The following DMD variants were observed in gnomAD, a reference collection of about 807,000 sequenced individuals.
The protein encoded by DMD is mutant dystrophin.
In DMD, 63 loss-of-function variants were observed where a neutral mutation model predicts 330.1. The ratio of observed to expected loss-of-function variants is 0.19; its 90% CI spans 0.16 to 0.24. The LOEUF is 0.24. DMD is among the 10% of genes least tolerant of loss of function. The pLI is 1.00. For synonymous variants in DMD, 1,223 were observed against 959.8 expected, an observed-to-expected ratio of 1.27 and a Z score of -5.07; for missense variants, 3,344 against 2,684.1, an observed-to-expected ratio of 1.25 and a Z score of -5.43.
At chrX:31,211,796 G>C (rs17329860) in intron 64 of DMD, among the ~76,000 whole-genome samples, 2,249 of 112,056 alleles carry the variant, frequency 0.02, 29 homozygotes, top group Non-Finnish European at 0.032. Flanking sequence ...TGCTAAAACT[G>C]GATGTGGTTA....
chrX:33,018,567 G>A (rs761057730), intron 2 of DMD, among the ~76,000 whole-genome samples: 3 of 111,426 alleles, frequency 2.7e-5, no homozygotes, highest in East Asian at 5.7e-4. Flanking sequence ...GCGGGAATGA[G>A]GATACACAGT....
At chrX:32,317,962 T>A (rs553704829) in intron 41 of DMD, among the ~76,000 whole-genome samples, 1 of 110,665 alleles carries the variant, frequency 9.0e-6, no homozygotes, top group Non-Finnish European at 1.9e-5. Context: ...TATGAAAGTA[T>A]GTCAGTTTGT....
intron 7 of DMD, among the ~76,000 whole-genome samples, chrX:32,738,291 A>G (rs1183001290): frequency 9.0e-6 from 1 of 111,064 alleles, no homozygotes; most frequent in Non-Finnish European, 1.9e-5. Context: ...ACTCCCTTAT[A>G]AAGAAAAAAA....
intron 2 of DMD, among the ~76,000 whole-genome samples, chrX:32,853,041 T>C (rs1299199465): frequency 8.9e-6 from 1 of 111,946 alleles, no homozygotes; most frequent in Non-Finnish European, 1.9e-5. Context: ...AGCAGAAAAC[T>C]TACAGGCTAA....
intron 48 of DMD, among the ~76,000 whole-genome samples, chrX:31,865,355 T>G (rs772886535): frequency 2.0e-4 from 23 of 112,288 alleles, no homozygotes; most frequent in Non-Finnish European, 4.1e-4. Flanking sequence ...CCAGTGTTTT[T>G]CAGGACACAT....
At chrX:31,701,541 T>C (rs1366674420) in intron 52 of DMD, among the ~76,000 whole-genome samples, 1 of 112,088 alleles carries the variant, frequency 8.9e-6, no homozygotes, top group Admixed American at 9.5e-5. Context: ...CCATCTTCTA[T>C]GAGAAGTGAT....
At chrX:31,684,901 G>A (rs753448930) in intron 52 of DMD, among the ~76,000 whole-genome samples, 2 of 112,104 alleles carry the variant, frequency 1.8e-5, no homozygotes, top group Admixed American at 9.5e-5. Context: ...TTACTACAAT[G>A]TACAAGTTCT....
At chrX:32,961,375 AT>A (rs759095767) in intron 2 of DMD, among the ~76,000 whole-genome samples, 108 of 109,623 alleles carry the variant, frequency 9.9e-4, no homozygotes, top group South Asian at 2.7e-3. Flanking sequence ...TCTCACTGCT[AT>A]TTTTTTTTAA....
At chrX:31,678,918 T>A (rs1030318053) in intron 53 of DMD, among the ~76,000 whole-genome samples, 1 of 112,355 alleles carries the variant, frequency 8.9e-6, no homozygotes, top group African/African-American at 3.2e-5. Flanking sequence ...TCAATTTTCC[T>A]CTATTCTCTA....
chrX:31,173,540 T>C lies in DMD; in HGVS notation c.10327A>G (p.Arg3443Gly). 1 of 1,209,718 alleles carries C rather than the reference T, an allele frequency of 8.3e-7. No homozygotes were observed. The highest frequency in any genetic ancestry group is 1.1e-6 in the Non-Finnish European group (1 of 893,784). Residue 3443 changes from arginine (R) to glycine (G), a missense_variant and splice_region_variant, in exon 72 of 79, where the codon AGG becomes GGG. Transcript: ENST00000357033. ...CCTGGCATACAACTAGTCTCATACC[T>C]GCTAGCATAATGTTCAATGCGTGAA... ...THSRIEHYAS[R>G]LAEMENSNGS... is the part of the protein sequence containing the mutation.
At chrX:31,655,103 T>A (rs923461885) in intron 54 of DMD, among the ~76,000 whole-genome samples, 4 of 111,640 alleles carry the variant, frequency 3.6e-5, no homozygotes, top group African/African-American at 1.3e-4. Flanking sequence ...AACCCATTTA[T>A]GCCTAAGGTT....
chrX:32,900,701 A>C (rs2086155583), intron 2 of DMD, among the ~76,000 whole-genome samples: 1 of 111,111 alleles, frequency 9.0e-6, no homozygotes, highest in African/African-American at 3.3e-5. Flanking sequence ...ATTGCTCTAT[A>C]TTCCTTACAC....
chrX:32,179,028 T>G (rs1314476850), intron 44 of DMD, among the ~76,000 whole-genome samples: 1 of 106,354 alleles, frequency 9.4e-6, no homozygotes, highest in African/African-American at 3.4e-5. Flanking sequence ...TCTCTCTCCC[T>G]TCCTCTTAAA....
chrX:31,374,442 G>A (rs1281626793), intron 60 of DMD, among the ~76,000 whole-genome samples: 9 of 110,000 alleles, frequency 8.2e-5, no homozygotes, highest in East Asian at 2.9e-4. Flanking sequence ...ACAATGATAG[G>A]CTGGATTAAG....
rs939939280 is a variant in DMD, at chrX:32,919,148, A to G, written c.94-69328T>C. Among the ~76,000 whole-genome samples, 9 of 111,965 alleles carry G rather than the reference A, an allele frequency of 8.0e-5. No individual in the cohort carries two copies. The Admixed American group carries it at 8.6e-4, about 11-fold the overall frequency. ...AGGCTTAGGACTTCTAACTTAAGAC[A>G]ATGGAGATCATCAAAGACCCTTTAG... is the stretch of plus-strand genomic sequence containing the variant. On this transcript the variant is annotated intron_variant, in intron 2 of 78. Coordinates refer to ENST00000357033, the MANE Select transcript of DMD (RefSeq NM_004006.3).
chrX:32,797,807 A>C (rs985051045), intron 7 of DMD, among the ~76,000 whole-genome samples: 10 of 110,743 alleles, frequency 9.0e-5, no homozygotes, highest in African/African-American at 3.3e-4. Flanking sequence ...TTCACCTGTA[A>C]TTAAAAAAAA....
intron 2 of DMD, among the ~76,000 whole-genome samples, chrX:32,881,334 C>T (rs903223083): frequency 8.9e-6 from 1 of 112,686 alleles, no homozygotes; most frequent in Non-Finnish European, 1.9e-5. Context: ...TGGTTTCTTT[C>T]TGTGAAGACA....
At chrX:31,706,668 C>T (rs768732921) in intron 52 of DMD, among the ~76,000 whole-genome samples, 1 of 111,740 alleles carries the variant, frequency 8.9e-6, no homozygotes, top group East Asian at 2.8e-4. Context: ...TAGCAATAAA[C>T]GCATCTATGT....
At chrX:31,308,007 C>A (rs1423519172) in intron 62 of DMD, among the ~76,000 whole-genome samples, 1 of 111,246 alleles carries the variant, frequency 9.0e-6, no homozygotes. Flanking sequence ...ATAAAGAGGT[C>A]ACAACCTAGA....
Sources: gnomAD v4.1 joint callset for allele counts (sites outside exome capture counted in the v4.1 genomes callset) on GRCh38, gnomAD v4.1.1 for gene constraint, MANE v1.5 for transcripts, NCBI Gene and HGNC (gene_info 2026-07-23, HGNC 2026-07-21) for gene names.